KIF1B: variants seen among roughly 807,000 people sequenced by gnomAD.
The protein encoded by KIF1B is kinesin family member 1B.
In KIF1B, 76 loss-of-function variants were observed where a neutral mutation model predicts 241.9. The observed-to-expected ratio is 0.31, with a 90% CI of 0.26 to 0.38. KIF1B has a LOEUF of 0.38. Ranked by LOEUF, KIF1B falls within the 10% of genes least tolerant of loss-of-function variation. The pLI is 1.00. For missense variants in KIF1B, 1,622 were observed against 2,271.4 expected (o/e 0.71, Z 5.81); for synonymous variants, 750 against 796.7 (o/e 0.94, Z 0.99).
chr1:10,304,875 C>G (rs952863438), intron 22 of KIF1B: 77 of 1,387,556 alleles, frequency 5.5e-5, no homozygotes, highest in Non-Finnish European at 7.0e-5. Context: ...TCAAGAACTC[C>G]TTTTTCTGAA....
chr1:10,374,214 G>T lies in KIF1B; in HGVS notation c.4947-102G>T. 1 of 1,268,774 alleles carries T rather than the reference G, an allele frequency of 7.9e-7. No homozygotes were observed. 78.6% of individuals were successfully genotyped at this position (1,268,774 alleles called of 1,614,324 possible). A position where few individuals can be genotyped will look rare whatever the true frequency, so the allele number is the denominator to read the frequency against. ...AACTCAAGTTTGCAGCTGGGGTTTA[G>T]GGAGGGCCATTGTGTTCCTCCCAGT... On this transcript the variant is annotated intron_variant, in intron 45 of 48. Coordinates refer to ENST00000676179, the MANE Select transcript of KIF1B (RefSeq NM_001365951.3). This position sits in a 1 kb window ranked among gnomAD's most constrained non-coding sequence, Gnocchi z 4.3.
intron 1 of KIF1B, among the ~76,000 whole-genome samples, chr1:10,216,434 AC>A (rs999736532): frequency 6.6e-6 from 1 of 151,750 alleles, no homozygotes; most frequent in African/African-American, 2.4e-5. Flanking sequence ...CTATACTACG[AC>A]CTCTGGGTTG....
At chr1:10,345,796 C>G (rs1210526129) in intron 34 of KIF1B, 49 bp from the exon 35 acceptor site, 2 of 1,348,626 alleles carry the variant, frequency 1.5e-6, no homozygotes, top group African/African-American at 2.9e-5. Flanking sequence ...TGTATTTTTG[C>G]TGAGTAGTCT....
rs1469203516 is a variant in KIF1B, at chr1:10,337,127, G to A, written c.3183G>A (p.Leu1061=). The change falls in exon 30 of 49, where the codon TTG becomes TTA. Residue 1061 remains leucine, a synonymous_variant. Transcript: ENST00000676179. This position sits in a 1 kb window ranked among gnomAD's most constrained non-coding sequence, Gnocchi z 4.0. ...GTTCTGGTCTGTCCTTGGAGGAGTTGAGGATTGTGGAAGGACAGGGTCAGA... is the reference window on the plus strand; with the variant it reads ...GTTCTGGTCTGTCCTTGGAGGAGTTAAGGATTGTGGAAGGACAGGGTCAGA... ...MTRSGLSLEE[L]RIVEGQGQSS... 4 of 1,614,042 alleles carry A rather than the reference G, an allele frequency of 2.5e-6. No individual in the cohort carries two copies. In the African/African-American group the frequency reaches 4.0e-5, roughly 16 times the overall value.
chr1:10,320,710 C>T (rs953502079), intron 23 of KIF1B, among the ~76,000 whole-genome samples: 2 of 116,344 alleles, frequency 1.7e-5, no homozygotes, highest in Non-Finnish European at 3.7e-5. Context: ...TTATGTATTA[C>T]ATTTCTTATT....
At chr1:10,221,350 G>A (rs1368981663) in intron 1 of KIF1B, among the ~76,000 whole-genome samples, 1 of 152,004 alleles carries the variant, frequency 6.6e-6, no homozygotes, top group African/African-American at 2.4e-5. Context: ...TGTCCGCTTC[G>A]GCCTCCCAAA....
rs1303167145 is a variant in KIF1B, at chr1:10,377,923, AAGACTCTGCCTC to A, written c.*1340_*1351del. On this transcript the variant is annotated 3_prime_UTR_variant, in exon 49 of 49. Transcript: ENST00000676179. ...TGCACTCCAGCCTGGGTGACAGAGC[AAGACTCTGCCTC>A]AGAAAAAAAAAAAAATAATAATGCT... The A allele has an allele frequency of 4.8e-6, 1 of 209,606 alleles. No individual in the cohort carries two copies. Among genetic ancestry groups the A allele is most frequent in the African/African-American group, 2.3e-5 (1 of 43,568 alleles). The allele number at this position is 209,606 out of a possible 1,614,324, so 13.0% of individuals were successfully genotyped here.
chr1:10,374,233 TC>T lies in KIF1B; in HGVS notation c.4947-80del. On this transcript the variant is annotated intron_variant, in intron 45 of 48. Transcript: ENST00000676179. The surrounding 1 kb of genome is among the most constrained non-coding windows in gnomAD (Gnocchi z 4.3). ...GGTTTAGGGAGGGCCATTGTGTTCC[TC>T]CCAGTGAAACAGTACTCAGTATGCC... The T allele has an allele frequency of 7.0e-7, 1 of 1,432,718 alleles. No homozygotes were observed. Among genetic ancestry groups the T allele is most frequent in the Non-Finnish European group, 9.8e-7 (1 of 1,015,772 alleles). The allele number at this position is 1,432,718 out of a possible 1,614,324, so 88.8% of individuals were successfully genotyped here.
In KIF1B at chr1:10,372,634, C is replaced by T. The variant is rs1473300293; in HGVS notation, c.4946+1372C>T. Among the ~76,000 whole-genome samples, 13 of 126,988 alleles carry T rather than the reference C, an allele frequency of 1.0e-4. No homozygotes were observed. The South Asian group carries it at 3.5e-3, about 34-fold the overall frequency. The allele number at this position is 126,988 out of a possible 152,430, so 83.3% of individuals were successfully genotyped here. On this transcript the variant is annotated intron_variant, in intron 45 of 48. Transcript: ENST00000676179. Reference sequence around the variant, plus strand: ...CGGAGGTTGCAGTGAGCCGAGATTGCGCCGCTGCGCGCCAGCTTGGGTGAC... The same window carrying T: ...CGGAGGTTGCAGTGAGCCGAGATTGTGCCGCTGCGCGCCAGCTTGGGTGAC...
intron 2 of KIF1B, among the ~76,000 whole-genome samples, chr1:10,247,708 A>G (rs780454686): frequency 1.3e-5 from 2 of 152,192 alleles, no homozygotes; most frequent in African/African-American, 4.8e-5. Context: ...AGTTTATTAC[A>G]TGCTTATAGA....
intron 24 of KIF1B, among the ~76,000 whole-genome samples, chr1:10,323,140 G>T (rs980081593): frequency 1.3e-5 from 2 of 152,094 alleles, no homozygotes; most frequent in South Asian, 4.1e-4. Context: ...GGGATTACAG[G>T]TGTGAACTTC....
chr1:10,237,478 C>T (rs1321849752), intron 2 of KIF1B, among the ~76,000 whole-genome samples: 1 of 152,166 alleles, frequency 6.6e-6, no homozygotes, highest in Non-Finnish European at 1.5e-5. Flanking sequence ...TTTTTACCCA[C>T]AAATTGTCTC....
At chr1:10,245,888 C>A (rs550336777) in intron 2 of KIF1B, among the ~76,000 whole-genome samples, 1 of 152,318 alleles carries the variant, frequency 6.6e-6, no homozygotes, top group South Asian at 2.1e-4. Context: ...CCCATACTCT[C>A]CTAATTGCCT....
chr1:10,278,257 T>A, intron 13 of KIF1B, 129 bp downstream of exon 13: 3 of 963,482 alleles, frequency 3.1e-6, no homozygotes, highest in Non-Finnish European at 4.6e-6. Flanking sequence ...GAAAATGTTT[T>A]GTTTTGTTTT....
intron 1 of KIF1B, among the ~76,000 whole-genome samples, chr1:10,231,169 C>T (rs1455641356): frequency 6.6e-6 from 1 of 152,094 alleles, no homozygotes; most frequent in Non-Finnish European, 1.5e-5. Context: ...GAGGTCGTGC[C>T]ATTGCACTCC....
At chr1:10,341,284 G>A (rs1407211445) in intron 32 of KIF1B, among the ~76,000 whole-genome samples, 1 of 152,260 alleles carries the variant, frequency 6.6e-6, no homozygotes, top group Non-Finnish European at 1.5e-5. Flanking sequence ...GGATAGTTGG[G>A]TGGAGAAAGG....
In KIF1B at chr1:10,346,474, C is replaced by G. The variant is rs189897372; in HGVS notation, c.3797+521C>G. 6.6e-4 allele frequency among the ~76,000 whole-genome samples: 101 copies of G among 152,216 alleles called. 1 individual carries two copies. Among genetic ancestry groups the G allele is most frequent in the African/African-American group, 2.4e-3 (99 of 41,532 alleles). ...CTGCCTCCCAGGTTCAAGCGATTCT[C>G]CTGCCTCAGCCTCCTGTGTAGCTGG... On this transcript the variant is annotated intron_variant, in intron 35 of 48. Transcript: ENST00000676179.
rs760995065 is a variant in KIF1B, at chr1:10,342,121, G to T, written c.3585G>T (p.Gly1195=). 1 of 1,613,792 alleles carries T rather than the reference G, an allele frequency of 6.2e-7. No individual in the cohort carries two copies. Among genetic ancestry groups the T allele is most frequent in the African/African-American group, 1.3e-5 (1 of 75,020 alleles). Residue 1195 remains glycine, a synonymous_variant, in exon 33 of 49, where the codon GGG becomes GGT. Transcript: ENST00000676179. ...KTKPIVFEVF[G]HYQQHPLHLQ... The stretch of plus-strand genomic sequence containing the variant: ...AGCCTATTGTATTTGAAGTCTTTGG[G>T]CATTATCAGCAGCACCCACTTCATC...
intron 37 of KIF1B, among the ~76,000 whole-genome samples, chr1:10,350,253 G>A (rs546950395): frequency 6.6e-6 from 1 of 150,856 alleles, no homozygotes. Context: ...AGCAGAGTGA[G>A]ACTCTGTTTA....
Sources: allele counts gnomAD v4.1 joint callset (sites outside exome capture counted in the v4.1 genomes callset), GRCh38; gene constraint gnomAD v4.1.1; non-coding constraint Gnocchi (gnomAD v3.1); transcripts MANE v1.5; gene names NCBI Gene and HGNC (gene_info 2026-07-23, HGNC 2026-07-21).